TNS3: variants seen among roughly 807,000 people sequenced by gnomAD.
The protein encoded by TNS3 is tensin-3.
In TNS3, 45 loss-of-function variants were observed where a neutral mutation model predicts 140.9. The ratio of observed to expected loss-of-function variants is 0.32; its 90% CI spans 0.25 to 0.41. The LOEUF is 0.41. Ranked by LOEUF, TNS3 falls within the 10% of genes least tolerant of loss-of-function variation. The pLI is 1.00. For missense variants in TNS3, 1,716 were observed against 1,906.7 expected (o/e 0.90, Z 1.86); for synonymous variants, 815 against 788.4 (o/e 1.03, Z -0.56).
At chr7:47,389,782 AG>A (rs1170865585) in intron 16 of TNS3, among the ~76,000 whole-genome samples, 1 of 152,222 alleles carries the variant, frequency 6.6e-6, no homozygotes, top group Non-Finnish European at 1.5e-5. Context: ...CACGCCTGCA[AG>A]GGGGTCCTTT....
At chr7:47,439,707 ACATT>A in intron 5 of TNS3, 49 bp from the exon 6 acceptor site, 1 of 1,589,176 alleles carries the variant, frequency 6.3e-7, no homozygotes, top group South Asian at 1.1e-5. Flanking sequence ...GAGGCAGCAG[ACATT>A]CATCCTCTAG....
At position 47,438,704 on chromosome 7, in the gene TNS3, G is replaced by A. The variant is rs190771169; in HGVS notation, c.150+783C>T. Among the ~76,000 whole-genome samples the A allele has an allele frequency of 3.6e-3, 541 of 152,258 alleles. 3 individuals are homozygous for A. Among genetic ancestry groups the A allele is most frequent in the African/African-American group, 0.012 (510 of 41,550 alleles). On this transcript the variant is annotated intron_variant, in intron 6 of 30. Coordinates refer to ENST00000311160, the MANE Select transcript of TNS3 (RefSeq NM_022748.12). The stretch of plus-strand genomic sequence containing the variant: ...GAGGCCACATCCTACTCTGCCACTT[G>A]GGTCCACCTCTCCCAGCCACTGGTG...
chr7:47,554,728 T>G (rs1007857361), intron 1 of TNS3, among the ~76,000 whole-genome samples: 12 of 152,132 alleles, frequency 7.9e-5, no homozygotes, highest in African/African-American at 2.7e-4. Context: ...GCAAAGAAAG[T>G]GGTTTCTTAA....
At chr7:47,429,898 G>A (rs960005610) in intron 8 of TNS3, among the ~76,000 whole-genome samples, 30 of 152,062 alleles carry the variant, frequency 2.0e-4, no homozygotes, top group Non-Finnish European at 4.0e-4. Flanking sequence ...TACTCAATGC[G>A]GGCACTTGAT....
intron 28 of TNS3, 51 bp downstream of exon 28, chr7:47,283,646 G>C: frequency 6.8e-7 from 1 of 1,463,866 alleles, no homozygotes; most frequent in Non-Finnish European, 9.1e-7. Context: ...CAAGAGGAAC[G>C]TGACAGCCCC....
At chr7:47,400,532 T>C in intron 14 of TNS3, 74 bp from the exon 15 acceptor site, 3 of 1,481,672 alleles carry the variant, frequency 2.0e-6, no homozygotes, top group South Asian at 1.2e-5. Flanking sequence ...CTTTGTCCTT[T>C]ATTCCAACCA....
At chr7:47,281,747 T>TC in intron 28 of TNS3, among the ~76,000 whole-genome samples, 1 of 152,256 alleles carries the variant, frequency 6.6e-6, no homozygotes, top group Admixed American at 6.5e-5. Context: ...AAGACAACTC[T>TC]GACAAGGGCA....
At chr7:47,334,393 A>T (rs1788507234) in intron 20 of TNS3, among the ~76,000 whole-genome samples, 1 of 152,172 alleles carries the variant, frequency 6.6e-6, no homozygotes, top group Non-Finnish European at 1.5e-5. Context: ...CTGAAGCCTA[A>T]AGTCCCCAAA....
In TNS3 at chr7:47,368,974, G is replaced by A. The variant is rs1790884318; in HGVS notation, c.1672C>T (p.Arg558Ter). Residue 558 changes from arginine to a stop codon, truncating the protein, a stop_gained, in exon 17 of 31, where the codon CGA becomes TGA. Transcript: ENST00000311160. LOFTEE classifies it high-confidence loss of function. ...AGGGGCTGGGGCTGCTTGGGCTCTCGACTCCCAAAAGTCCGCTCCCGCTCA... is the reference window on the plus strand; with the variant it reads ...AGGGGCTGGGGCTGCTTGGGCTCTCAACTCCCAAAAGTCCGCTCCCGCTCA... ...PYERERTFGSREPKQPQPLLR... is the reference protein window; with the variant it reads ...PYERERTFGS 1.9e-6 allele frequency: 3 copies of A among 1,613,708 alleles called. No individual in the cohort carries two copies. The highest frequency in any genetic ancestry group is 1.7e-5 in the Admixed American group (1 of 60,004).
chr7:47,480,613 A>G (rs1797378036), intron 4 of TNS3, among the ~76,000 whole-genome samples: 1 of 152,194 alleles, frequency 6.6e-6, no homozygotes, highest in Non-Finnish European at 1.5e-5. Flanking sequence ...TTGCCTAATC[A>G]CAAGCCAAAG....
At chr7:47,297,414 G>A (rs1269842429) in intron 23 of TNS3, among the ~76,000 whole-genome samples, 8 of 152,060 alleles carry the variant, frequency 5.3e-5, no homozygotes, top group Admixed American at 2.6e-4. Flanking sequence ...CTGTGGTGTC[G>A]TGTATGTTTC....
intron 1 of TNS3, among the ~76,000 whole-genome samples, chr7:47,558,308 C>T (rs1800250578): frequency 6.6e-6 from 1 of 152,192 alleles, no homozygotes. Flanking sequence ...CCTCGGCCTG[C>T]ATTGTTTTCT....
intron 16 of TNS3, among the ~76,000 whole-genome samples, chr7:47,371,067 G>A (rs1446619100): frequency 1.3e-5 from 2 of 152,200 alleles, no homozygotes; most frequent in Non-Finnish European, 2.9e-5. Context: ...AGTGGGGAGT[G>A]GGGAGAGTGG....
At chr7:47,475,727 C>T (rs1479454295) in intron 4 of TNS3, among the ~76,000 whole-genome samples, 3 of 152,226 alleles carry the variant, frequency 2.0e-5, no homozygotes, top group Admixed American at 2.0e-4. Flanking sequence ...TGGAAAAAAA[C>T]AAGGACACTC....
chr7:47,310,412 G>A (rs1013700065), intron 20 of TNS3, among the ~76,000 whole-genome samples: 2 of 152,078 alleles, frequency 1.3e-5, no homozygotes, highest in Admixed American at 6.6e-5. Flanking sequence ...CTACAAACTA[G>A]AAACAAGAGG....
chr7:47,485,320 G>A (rs1562794501), intron 3 of TNS3, among the ~76,000 whole-genome samples: 1 of 152,206 alleles, frequency 6.6e-6, no homozygotes. Flanking sequence ...TGCCCTGTCT[G>A]TAGGTCTTTC....
intron 16 of TNS3, among the ~76,000 whole-genome samples, chr7:47,389,768 C>A (rs546399709): frequency 1.3e-5 from 2 of 152,222 alleles, no homozygotes; most frequent in East Asian, 1.9e-4. Context: ...GTTTGGTCTG[C>A]GATCACGCCT....
chr7:47,497,816 T>C (rs1312984229), intron 3 of TNS3, among the ~76,000 whole-genome samples: 1 of 152,062 alleles, frequency 6.6e-6, no homozygotes, highest in Non-Finnish European at 1.5e-5. Context: ...TATATGGGGC[T>C]CCCTCCAGGA....
rs529423948 is a variant in TNS3 at position 47,313,203 on chromosome 7, G to T, written c.2651-8200C>A. Among the ~76,000 whole-genome samples, 154 of 152,318 alleles carry T rather than the reference G, an allele frequency of 1.0e-3. 4 individuals are homozygous for T. The South Asian group carries it at 0.031, about 31-fold the overall frequency. The stretch of plus-strand genomic sequence containing the variant: ...TGGAAGGATGGGTGGCATGCATTCT[G>T]ACAAAACCACCTCATGGGTTCTTTG... On this transcript the variant is annotated intron_variant, in intron 20 of 30. Transcript: ENST00000311160.
Sources: gnomAD v4.1 joint callset for allele counts (sites outside exome capture counted in the v4.1 genomes callset) on GRCh38, gnomAD v4.1.1 for gene constraint, MANE v1.5 for transcripts, NCBI Gene and HGNC (gene_info 2026-07-23, HGNC 2026-07-21) for gene names.